Variants in LOC400499 observed in about 807,000 individuals in gnomAD.
At chr16:11,399,099 G>A in the LOC400499 span, 1 of 510,816 alleles carries the variant, frequency 2.0e-6, no homozygotes, top group Non-Finnish European at 2.5e-6. Flanking sequence ...AACAGTGCTC[G>A]GCCCCATGAG....
chr16:11,442,145 C>G, the LOC400499 span: 2 of 152,104 alleles, frequency 1.3e-5, no homozygotes, highest in Non-Finnish European at 2.9e-5. Context: ...ACTTTAGAAC[C>G]AAGATGGAGG....
chr16:11,396,191 T>G, the LOC400499 span, among the ~76,000 whole-genome samples: 1 of 152,140 alleles, frequency 6.6e-6, no homozygotes, highest in African/African-American at 2.4e-5. Flanking sequence ...GGGAGGAAAC[T>G]CAGGTACCAG....
At chr16:11,502,466 G>A in the LOC400499 span, among the ~76,000 whole-genome samples, 1 of 152,232 alleles carries the variant, frequency 6.6e-6, no homozygotes, top group Non-Finnish European at 1.5e-5. Context: ...GGATATGGCA[G>A]TGAAAGAACA....
At chr16:11,447,093 C>T in the LOC400499 span, among the ~76,000 whole-genome samples, 2 of 152,196 alleles carry the variant, frequency 1.3e-5, no homozygotes, top group Non-Finnish European at 2.9e-5. Context: ...ATCCAGAACC[C>T]TTCACCACCT....
the LOC400499 span, among the ~76,000 whole-genome samples, chr16:11,393,763 C>T: frequency 6.6e-6 from 1 of 152,164 alleles, no homozygotes; most frequent in African/African-American, 2.4e-5. Flanking sequence ...CTGCCAGTGC[C>T]CCATTACAGA....
the LOC400499 span, chr16:11,417,804 G>A: frequency 2.5e-5 from 10 of 398,930 alleles, no homozygotes; most frequent in Middle Eastern, 6.3e-4. Flanking sequence ...CAGAATGCTC[G>A]AAGCCGGAGC....
At chr16:11,462,148 G>A in the LOC400499 span, 15 of 1,526,604 alleles carry the variant, frequency 9.8e-6, no homozygotes, top group Non-Finnish European at 1.2e-5. Flanking sequence ...TCAGCAGATG[G>A]CTCAGCGATG....
the LOC400499 span, chr16:11,399,521 A>C: frequency 2.5e-6 from 1 of 398,676 alleles, no homozygotes; most frequent in Non-Finnish European, 4.4e-6. Flanking sequence ...GGACACGTTG[A>C]GCTGTTCAAC....
At chr16:11,464,050 CTG>C in the LOC400499 span, among the ~76,000 whole-genome samples, 1 of 152,004 alleles carries the variant, frequency 6.6e-6, no homozygotes, top group Admixed American at 6.5e-5. Flanking sequence ...TGTATGGACT[CTG>C]TACAGACATG....
At chr16:11,411,231 C>T in the LOC400499 span, 18 of 399,298 alleles carry the variant, frequency 4.5e-5, no homozygotes, top group East Asian at 6.1e-4. Context: ...AGCCAGGCAG[C>T]TGGGGCACAG....
At chr16:11,433,203 T>C in the LOC400499 span, among the ~76,000 whole-genome samples, 1 of 152,066 alleles carries the variant, frequency 6.6e-6, no homozygotes, top group African/African-American at 2.4e-5. Context: ...TTACTGAGAG[T>C]CTGCCAACTC....
chr16:11,468,394 G>A, the LOC400499 span, among the ~76,000 whole-genome samples: 1 of 152,164 alleles, frequency 6.6e-6, no homozygotes, highest in Non-Finnish European at 1.5e-5. Flanking sequence ...CAGAAGCATG[G>A]CTCAGTGCAG....
chr16:11,475,114 G>A, the LOC400499 span, among the ~76,000 whole-genome samples: 10 of 152,180 alleles, frequency 6.6e-5, no homozygotes, highest in Middle Eastern at 6.8e-3. Context: ...GCAGCTTGTG[G>A]ATTCAGTCAT....
the LOC400499 span, among the ~76,000 whole-genome samples, chr16:11,457,992 A>C: frequency 6.6e-6 from 1 of 152,210 alleles, no homozygotes; most frequent in Non-Finnish European, 1.5e-5. Flanking sequence ...ACCTGGGTTC[A>C]GGAGTTCGAG....
chr16:11,373,015 C>G, the LOC400499 span, among the ~76,000 whole-genome samples: 2 of 152,256 alleles, frequency 1.3e-5, no homozygotes, highest in African/African-American at 4.8e-5. Flanking sequence ...AGTGCTCACT[C>G]TGTGTCAGGT....
chr16:11,500,531 A>ATAATAG, the LOC400499 span, among the ~76,000 whole-genome samples: 1 of 150,748 alleles, frequency 6.6e-6, no homozygotes, highest in Admixed American at 6.6e-5. Context: ...AATAATAATA[A>ATAATAG]TAATAATCAG....
the LOC400499 span, among the ~76,000 whole-genome samples, chr16:11,521,291 G>A: frequency 6.6e-6 from 1 of 152,186 alleles, no homozygotes. Flanking sequence ...TATGTGGGTT[G>A]AGAGGGTTTA....
the LOC400499 span, among the ~76,000 whole-genome samples, chr16:11,464,463 G>A: frequency 5.3e-5 from 8 of 152,240 alleles, no homozygotes; most frequent in Non-Finnish European, 7.3e-5. Context: ...GTCACCAGGC[G>A]TAAACTGGGG....
At chr16:11,398,020 A>G in the LOC400499 span, among the ~76,000 whole-genome samples, 1 of 152,186 alleles carries the variant, frequency 6.6e-6, no homozygotes, top group South Asian at 2.1e-4. Context: ...AGGAGTCCTA[A>G]CACCTCTCCT....
Sources: allele counts gnomAD v4.1 joint callset (sites outside exome capture counted in the v4.1 genomes callset), GRCh38; gene constraint gnomAD v4.1.1; transcripts MANE v1.5.